PTPN4: variants seen among roughly 807,000 people sequenced by gnomAD.
The protein encoded by PTPN4 is protein tyrosine phosphatase non-receptor type 4, also known as tyrosine-protein phosphatase non-receptor type 4.
A neutral mutation model predicts 135.5 loss-of-function variants in PTPN4; 49 were observed. The observed-to-expected ratio is 0.36, with a 90% CI of 0.29 to 0.46. The LOEUF (loss-of-function observed/expected upper bound fraction) is 0.46, where lower values mean the gene tolerates loss of function less well. Among genes scored for constraint, PTPN4 ranks in the 20% least tolerant of loss-of-function variants. The pLI is 1.00. For missense variants in PTPN4, 860 were observed against 1,101.0 expected (o/e 0.78, Z 3.10); for synonymous variants, 333 against 369.9 (o/e 0.90, Z 1.14).
chr2:119,814,012 A>G (rs965246930), intron 2 of PTPN4, among the ~76,000 whole-genome samples: 6 of 152,200 alleles, frequency 3.9e-5, no homozygotes, highest in Non-Finnish European at 4.4e-5. Context: ...CCATACTTAA[A>G]AAAAAATGTA....
intron 22 of PTPN4, among the ~76,000 whole-genome samples, chr2:119,957,451 C>T (rs937414655): frequency 7.9e-5 from 12 of 152,080 alleles, no homozygotes; most frequent in African/African-American, 2.9e-4. Flanking sequence ...TTATGAAAAT[C>T]TAATGCCTGA....
At chr2:119,856,474 C>A (rs1166385559) in intron 2 of PTPN4, among the ~76,000 whole-genome samples, 1 of 152,014 alleles carries the variant, frequency 6.6e-6, no homozygotes, top group Non-Finnish European at 1.5e-5. Context: ...GTTAAAAGTG[C>A]CCCCATACTA....
At chr2:119,878,988 GA>G (rs1678028650) in intron 5 of PTPN4, among the ~76,000 whole-genome samples, 1 of 151,548 alleles carries the variant, frequency 6.6e-6, no homozygotes, top group African/African-American at 2.4e-5. Flanking sequence ...AGCTACTGGG[GA>G]GGCTGAGGCA....
chr2:119,915,424 G>T, intron 11 of PTPN4, 182 bp downstream of exon 11: 1 of 390,358 alleles, frequency 2.6e-6, no homozygotes, highest in Non-Finnish European at 4.6e-6. Flanking sequence ...TGTGTATGTG[G>T]TTCTAATTTA....
At chr2:119,906,680 C>G (rs1212100893) in intron 10 of PTPN4, among the ~76,000 whole-genome samples, 1 of 152,114 alleles carries the variant, frequency 6.6e-6, no homozygotes, top group Admixed American at 6.5e-5. Context: ...ACAATCAAGG[C>G]CATAAGTGAC....
chr2:119,876,922 TGTGTGTGTGTGTGTGTGTGC>T (rs1180124050), intron 3 of PTPN4, among the ~76,000 whole-genome samples: 2 of 151,174 alleles, frequency 1.3e-5, no homozygotes, highest in African/African-American at 4.9e-5. Flanking sequence ...TGTGTGTGTG[TGTGTGTGTGTGTGTGTGTGC>T]GTGAAGGGTG....
intron 2 of PTPN4, among the ~76,000 whole-genome samples, chr2:119,822,618 A>G (rs1358766573): frequency 1.3e-5 from 2 of 152,060 alleles, no homozygotes; most frequent in Non-Finnish European, 2.9e-5. Context: ...CGGCCTCCCA[A>G]AGTGCTGGGA....
intron 5 of PTPN4, among the ~76,000 whole-genome samples, chr2:119,878,159 C>A (rs373131107): frequency 6.6e-6 from 1 of 151,952 alleles, no homozygotes; most frequent in African/African-American, 2.4e-5. Flanking sequence ...ATGGTCATTT[C>A]GACTTGACAG....
intron 2 of PTPN4, among the ~76,000 whole-genome samples, chr2:119,844,503 G>A (rs1336160015): frequency 6.8e-6 from 1 of 146,244 alleles, no homozygotes; most frequent in East Asian, 2.1e-4. Flanking sequence ...AGACGGGGTG[G>A]TTGCCGGGCA....
chr2:119,962,685 C>A lies in PTPN4; in HGVS notation c.2350C>A (p.His784Asn). ...TTATGGATGCTACCAAGTTACCTGC[C>A]ACTCTGAAGAAGGAAACACTGCCTA... Reference protein sequence around the residue: ...SSYGCYQVTCHSEEGNTAYIF... With the variant: ...SSYGCYQVTCNSEEGNTAYIF... The change falls in exon 24 of 27, where the codon CAC becomes AAC. Residue 784 changes from histidine to asparagine, a missense_variant. Physicochemically the swap from His to Asn is moderately conservative, Grantham distance 68. Around this residue, in one of 2 missense-constraint regions of PTPN4, gnomAD observed 176 missense variants for 294.1 expected, o/e 0.60. Coordinates refer to ENST00000263708, the MANE Select transcript of PTPN4 (RefSeq NM_002830.4). 1 of 1,589,152 alleles carries A rather than the reference C, an allele frequency of 6.3e-7. No individual in the cohort carries two copies.
At chr2:119,958,485 G>C (rs1483060895) in intron 22 of PTPN4, among the ~76,000 whole-genome samples, 1 of 152,136 alleles carries the variant, frequency 6.6e-6, no homozygotes, top group Non-Finnish European at 1.5e-5. Context: ...TACCTCTTAC[G>C]CAGTTTCAAG....
chr2:119,946,604 CT>C, intron 18 of PTPN4, 30 bp downstream of exon 18: 1 of 1,477,848 alleles, frequency 6.8e-7, no homozygotes, highest in Non-Finnish European at 9.4e-7. Context: ...CAAATAAATC[CT>C]GTTTTCAAGA....
Position 119,934,935 on chromosome 2 carries a change from TAGC to T in PTPN4, c.1334_1336del (p.Ser445del). On this transcript the variant is annotated inframe_deletion, in exon 15 of 27. Transcript: ENST00000263708. Reference sequence around the variant, plus strand: ...GATCTCCGTCATCAACACAAGCTAATAGCATTGTTCTGGAATCATCACCGTAAG... The same window carrying T: ...GATCTCCGTCATCAACACAAGCTAATATTGTTCTGGAATCATCACCGTAAG... The T allele has an allele frequency of 6.2e-7, 1 of 1,613,886 alleles. No individual in the cohort carries two copies. Among genetic ancestry groups the T allele is most frequent in the Non-Finnish European group, 8.5e-7 (1 of 1,179,804 alleles).
intron 23 of PTPN4, among the ~76,000 whole-genome samples, chr2:119,962,220 G>A (rs773238761): frequency 1.3e-5 from 2 of 152,132 alleles, no homozygotes; most frequent in Admixed American, 1.3e-4. Context: ...TTTGGGAGAC[G>A]GAGGCAGGTG....
intron 11 of PTPN4, chr2:119,916,212 A>T (rs562196802): frequency 7.9e-5 from 12 of 152,512 alleles, no homozygotes; most frequent in African/African-American, 2.7e-4. Context: ...AAAAAAAAAA[A>T]AAAAAAGCCT....
chr2:119,823,606 T>TC (rs1677103588), intron 2 of PTPN4, among the ~76,000 whole-genome samples: 1 of 152,220 alleles, frequency 6.6e-6, no homozygotes, highest in Admixed American at 6.5e-5. Flanking sequence ...TTCAATTATT[T>TC]CGTGGTTGCT....
intron 10 of PTPN4, 73 bp downstream of exon 10, chr2:119,900,879 G>A: frequency 1.1e-6 from 1 of 897,990 alleles, no homozygotes; most frequent in Non-Finnish European, 1.6e-6. Context: ...TAAAGGCAGT[G>A]GCTGTTGAAC....
chr2:119,896,651 T>A lies in PTPN4; in HGVS notation c.676-4067T>A, dbSNP rs2105012401. Among the ~76,000 whole-genome samples, 2 of 152,316 alleles carry A rather than the reference T, an allele frequency of 1.3e-5. 1 individual carries two copies. Among genetic ancestry groups the A allele is most frequent in the Non-Finnish European group, 2.9e-5 (2 of 68,028 alleles). ...AGCAAAATGGAGATATCCTAATATA[T>A]TTTTGTTTTTATTTATTTGCTGGAA... On this transcript the variant is annotated intron_variant, in intron 9 of 26. Transcript: ENST00000263708.
intron 2 of PTPN4, among the ~76,000 whole-genome samples, chr2:119,827,562 T>C (rs1156970977): frequency 6.6e-6 from 1 of 152,166 alleles, no homozygotes; most frequent in Non-Finnish European, 1.5e-5. Flanking sequence ...GTATAGCATA[T>C]ATACAATAAA....
Sources: allele counts gnomAD v4.1 joint callset (sites outside exome capture counted in the v4.1 genomes callset), GRCh38; gene constraint gnomAD v4.1.1; regional missense constraint gnomAD v4.1.1; transcripts MANE v1.5; gene names NCBI Gene and HGNC (gene_info 2026-07-23, HGNC 2026-07-21).